Variants in ALCAM observed in about 807,000 individuals in gnomAD.
The protein encoded by ALCAM is CD166 antigen.
A neutral mutation model predicts 70.9 loss-of-function variants in ALCAM; 30 were observed. That is an observed-to-expected ratio of 0.42 (90% CI 0.32 to 0.57). The LOEUF (loss-of-function observed/expected upper bound fraction) is 0.57. Among genes scored for constraint, ALCAM ranks in the 20% least tolerant of loss-of-function variants. The pLI is 0.11. For synonymous variants in ALCAM, 249 were observed against 242.5 expected (o/e 1.03, Z -0.25); for missense variants, 591 against 695.1 (o/e 0.85, Z 1.68).
intron 1 of ALCAM, among the ~76,000 whole-genome samples, chr3:105,500,434 T>G (rs1321069683): frequency 2.0e-5 from 3 of 152,152 alleles, no homozygotes; most frequent in Non-Finnish European, 4.4e-5. Context: ...TTTAAAATAT[T>G]TCCTTTCCAA....
chr3:105,408,681 AAAAC>A (rs1431441149), intron 1 of ALCAM, among the ~76,000 whole-genome samples: 3 of 152,166 alleles, frequency 2.0e-5, no homozygotes, highest in African/African-American at 7.2e-5. Context: ...AAATGCAACA[AAAAC>A]AAAGGTAAAT....
At chr3:105,396,675 C>T (rs1935958557) in intron 1 of ALCAM, among the ~76,000 whole-genome samples, 2 of 151,988 alleles carry the variant, frequency 1.3e-5, no homozygotes. Context: ...TTCCCTACTG[C>T]CCAGTCCTCT....
chr3:105,502,421 T>C lies in ALCAM; in HGVS notation c.74-17646T>C, dbSNP rs145942647. On this transcript the variant is annotated intron_variant, in intron 1 of 15. Transcript: ENST00000306107. ...TGGGTGGTTATCAGAGTCCATGTTC[T>C]TCAGGGCTTGAGGCCATGCTTTTGG... 2.5e-3 allele frequency among the ~76,000 whole-genome samples: 383 copies of C among 152,328 alleles called. 1 individual carries two copies. Among genetic ancestry groups the C allele is most frequent in the African/African-American group, 8.9e-3 (371 of 41,580 alleles).
chr3:105,395,197 G>A (rs1323755678), intron 1 of ALCAM, among the ~76,000 whole-genome samples: 1 of 151,834 alleles, frequency 6.6e-6, no homozygotes, highest in Non-Finnish European at 1.5e-5. Context: ...GTTATTTTGG[G>A]CCTTTCAAGA....
At chr3:105,525,021 A>G (rs1939660211) in intron 3 of ALCAM, 3 of 894,396 alleles carry the variant, frequency 3.4e-6, no homozygotes, top group East Asian at 1.2e-4. Flanking sequence ...TAAATATCCC[A>G]TATATATCCA....
At position 105,566,660 on chromosome 3, in the gene ALCAM, C is replaced by G. The variant is rs75295113; in HGVS notation, c.1665-5192C>G. On this transcript the variant is annotated intron_variant, in intron 14 of 15. Coordinates refer to ENST00000306107, the MANE Select transcript of ALCAM (RefSeq NM_001627.4). Reference sequence around the variant, plus strand: ...CAATAAGAACTCAAAACAATCTACTCATGTTAAAAATCTAAGATTTTTGAA... The same window carrying G: ...CAATAAGAACTCAAAACAATCTACTGATGTTAAAAATCTAAGATTTTTGAA... Among the ~76,000 whole-genome samples, 386 of 152,266 alleles carry G rather than the reference C, an allele frequency of 2.5e-3. 4 individuals carry two copies. The highest frequency in any genetic ancestry group is 8.8e-3 in the African/African-American group (366 of 41,572).
At chr3:105,417,262 C>G (rs1350867638) in intron 1 of ALCAM, among the ~76,000 whole-genome samples, 1 of 151,720 alleles carries the variant, frequency 6.6e-6, no homozygotes, top group Non-Finnish European at 1.5e-5. Context: ...TCCATTTCAC[C>G]CCACTGCTGA....
chr3:105,474,844 G>GT (rs1157819144), intron 1 of ALCAM, among the ~76,000 whole-genome samples: 8 of 151,312 alleles, frequency 5.3e-5, no homozygotes, highest in East Asian at 3.9e-4. Flanking sequence ...ACTAGTTGTT[G>GT]TTTTTTTGTC....
chr3:105,446,906 CAGTT>C (rs1381035260), intron 1 of ALCAM, among the ~76,000 whole-genome samples: 1 of 151,970 alleles, frequency 6.6e-6, no homozygotes, highest in Non-Finnish European at 1.5e-5. Context: ...TACAAAGTCA[CAGTT>C]AGATAGGAAG....
intron 1 of ALCAM, among the ~76,000 whole-genome samples, chr3:105,509,327 C>A (rs1046690405): frequency 6.6e-6 from 1 of 151,988 alleles, no homozygotes; most frequent in Non-Finnish European, 1.5e-5. Context: ...ACATTGCCAC[C>A]AAGAGCGTAC....
chr3:105,420,021 T>C (rs1003278886), intron 1 of ALCAM, among the ~76,000 whole-genome samples: 2 of 151,716 alleles, frequency 1.3e-5, no homozygotes, highest in African/African-American at 4.8e-5. Context: ...ACTTTTTATA[T>C]ATACAAGCAC....
chr3:105,533,195 T>C (rs75035331), intron 4 of ALCAM, among the ~76,000 whole-genome samples: 1,533 of 152,272 alleles, frequency 0.01, 17 homozygotes, highest in Middle Eastern at 0.027. Flanking sequence ...AGTATGAAAC[T>C]GGAGACACAG....
intron 3 of ALCAM, among the ~76,000 whole-genome samples, chr3:105,526,137 T>C (rs1576221923): frequency 6.6e-6 from 1 of 152,146 alleles, no homozygotes; most frequent in Non-Finnish European, 1.5e-5. Context: ...AGCACTCTAA[T>C]GGTTATATGT....
intron 7 of ALCAM, 40 bp from the exon 8 acceptor site, chr3:105,541,593 G>A (rs190097721): frequency 1.3e-5 from 21 of 1,601,336 alleles, no homozygotes; most frequent in Middle Eastern, 3.3e-4. Flanking sequence ...TCATTGTAGC[G>A]ACCAAGTATA....
intron 3 of ALCAM, chr3:105,525,306 G>A (rs1205406946): frequency 2.0e-6 from 2 of 981,558 alleles, no homozygotes; most frequent in Non-Finnish European, 2.4e-6. Context: ...ATAGCATATA[G>A]TTAATGTTAC....
intron 1 of ALCAM, among the ~76,000 whole-genome samples, chr3:105,408,886 A>G (rs994806157): frequency 6.6e-6 from 1 of 152,156 alleles, no homozygotes. Context: ...AAGCGGGCTA[A>G]GGAGATGAAT....
At chr3:105,374,368 C>T (rs1364697804) in intron 1 of ALCAM, among the ~76,000 whole-genome samples, 2 of 151,936 alleles carry the variant, frequency 1.3e-5, no homozygotes, top group South Asian at 2.1e-4. Flanking sequence ...CCAGCCTGGC[C>T]AATATTGTGT....
rs535697825 is a variant in ALCAM at position 105,574,478 on chromosome 3, G to A, written c.*27G>A. On this transcript the variant is annotated splice_region_variant and 3_prime_UTR_variant, in exon 16 of 16. Transcript: ENST00000306107. ...TAAATTATTTTTTTTTCATTTCAGA[G>A]ATAAAAATCATATAGACCAATTGAA... 6.6e-5 allele frequency: 10 copies of A among 152,226 alleles called. No homozygotes were observed. Among genetic ancestry groups the A allele is most frequent in the African/African-American group, 2.4e-4 (10 of 41,484 alleles). The allele number at this position is 152,226 out of a possible 1,614,324, so 9.4% of individuals were successfully genotyped here.
intron 1 of ALCAM, among the ~76,000 whole-genome samples, chr3:105,394,717 C>T (rs981294674): frequency 9.9e-5 from 15 of 151,888 alleles, no homozygotes; most frequent in African/African-American, 3.6e-4. Flanking sequence ...CTCCTGCAAT[C>T]TATAGATTTA....
Sources: gnomAD v4.1 joint callset for allele counts (sites outside exome capture counted in the v4.1 genomes callset) on GRCh38, gnomAD v4.1.1 for gene constraint, MANE v1.5 for transcripts, NCBI Gene and HGNC (gene_info 2026-07-23, HGNC 2026-07-21) for gene names.